Variants in ADHFE1 observed in about 807,000 individuals in gnomAD.
The protein encoded by ADHFE1 is alcohol dehydrogenase iron containing 1.
In ADHFE1, 37 loss-of-function variants were observed where a neutral mutation model predicts 54.8. That is an observed-to-expected ratio of 0.68 (90% CI 0.52 to 0.89). ADHFE1 has a LOEUF of 0.89. Among genes scored for constraint, ADHFE1 ranks in the 40% least tolerant of loss-of-function variants. ADHFE1 has a pLI of 0.00. For synonymous variants in ADHFE1, 203 were observed against 229.3 expected (o/e 0.89, Z 1.04); for missense variants, 601 against 591.2 (o/e 1.02, Z -0.17).
intron 13 of ADHFE1, among the ~76,000 whole-genome samples, chr8:66,466,236 A>ATTTTTTTTT (rs575459850): frequency 3.7e-4 from 44 of 119,598 alleles, no homozygotes; most frequent in Non-Finnish European, 6.7e-4. Context: ...ACCCAGCTGA[A>ATTTTTTTTT]TTTTTTTTTT....
intron 1 of ADHFE1, among the ~76,000 whole-genome samples, chr8:66,434,298 C>A (rs1295636257): frequency 6.6e-6 from 1 of 152,140 alleles, no homozygotes; most frequent in Non-Finnish European, 1.5e-5. Flanking sequence ...GTTGAGCATG[C>A]TTCTGGTACA....
intron 6 of ADHFE1, among the ~76,000 whole-genome samples, chr8:66,445,963 C>G (rs1014639251): frequency 3.9e-5 from 6 of 152,208 alleles, no homozygotes; most frequent in African/African-American, 2.4e-5. Flanking sequence ...TCATTTGTTC[C>G]ACAGGGGACC....
chr8:66,432,916 G>A, intron 1 of ADHFE1: 1 of 1,111,888 alleles, frequency 9.0e-7, no homozygotes, highest in Non-Finnish European at 1.1e-6. Context: ...CATATTTATT[G>A]GGCATATATT....
At position 66,439,441 on chromosome 8, in the gene ADHFE1, A is replaced by G; in HGVS notation, c.60-721A>G. 1.0e-6 allele frequency: 1 copy of G among 986,144 alleles called. No individual in the cohort carries two copies. The highest frequency in any genetic ancestry group is 1.2e-6 in the Non-Finnish European group (1 of 830,340). The allele number at this position is 986,144 out of a possible 1,614,324, so 61.1% of individuals were successfully genotyped here. A position where few individuals can be genotyped will look rare whatever the true frequency, so the allele number is the denominator to read the frequency against. On this transcript the variant is annotated intron_variant, in intron 1 of 13. Coordinates refer to ENST00000396623, the MANE Select transcript of ADHFE1 (RefSeq NM_144650.3). This position sits in a 1 kb window ranked among gnomAD's most constrained non-coding sequence, Gnocchi z 4.4. ...GACGACCAGGACAGGAAGAGGGACC[A>G]CAGCCAGGGGAGGGAGGGTTTCCAA...
intron 13 of ADHFE1, among the ~76,000 whole-genome samples, chr8:66,464,343 G>T (rs1468298079): frequency 6.6e-6 from 1 of 152,152 alleles, no homozygotes; most frequent in Non-Finnish European, 1.5e-5. Context: ...ACTCAGCTCA[G>T]GCTTGGCTTC....
rs1805643166 is a variant in ADHFE1 at position 66,439,636 on chromosome 8, C to T, written c.60-526C>T. ...CAACTGGGCAGAGAAAGATGGGGAC[C>T]AGGGAGGTCTTTGGGTCCAGGAAGT... On this transcript the variant is annotated intron_variant, in intron 1 of 13. Transcript: ENST00000396623. The surrounding 1 kb of genome is among the most constrained non-coding windows in gnomAD (Gnocchi z 4.4). 6 of 985,902 alleles carry T rather than the reference C, an allele frequency of 6.1e-6. No individual in the cohort carries two copies. Among genetic ancestry groups the T allele is most frequent in the African/African-American group, 3.5e-5 (2 of 57,314 alleles). 61.1% of individuals were successfully genotyped at this position (985,902 alleles called of 1,614,324 possible). A position where few individuals can be genotyped will look rare whatever the true frequency, so the allele number is the denominator to read the frequency against.
chr8:66,459,337 G>A (rs916311158), intron 12 of ADHFE1, among the ~76,000 whole-genome samples: 5 of 151,386 alleles, frequency 3.3e-5, no homozygotes, highest in African/African-American at 9.7e-5. Flanking sequence ...CACCCTGCCT[G>A]AGGGCAGAAC....
intron 1 of ADHFE1, among the ~76,000 whole-genome samples, chr8:66,438,650 C>G (rs929541533): frequency 1.3e-5 from 2 of 151,628 alleles, no homozygotes; most frequent in Admixed American, 1.3e-4. Context: ...AAATGTAGGT[C>G]GGGAGGAGAG....
chr8:66,460,081 C>T, intron 12 of ADHFE1: 1 of 511,476 alleles, frequency 2.0e-6, no homozygotes, highest in Non-Finnish European at 3.5e-6. Flanking sequence ...TTCTTCCTAC[C>T]ACACAAGGGG....
At chr8:66,442,978 C>A in intron 3 of ADHFE1, 134 bp downstream of exon 3, 1 of 792,194 alleles carries the variant, frequency 1.3e-6, no homozygotes, top group Non-Finnish European at 1.9e-6. Flanking sequence ...TTTGATCAGA[C>A]CATATTTAGC....
At position 66,439,056 on chromosome 8, in the gene ADHFE1, G is replaced by C. The variant is rs1223367067; in HGVS notation, c.60-1106G>C. Reference sequence around the variant, plus strand: ...AAGGGACAAGCCTGGCCTGGCCCGCGTCCTCTCCCCCGGCGCGCGCGTCGG... The same window carrying C: ...AAGGGACAAGCCTGGCCTGGCCCGCCTCCTCTCCCCCGGCGCGCGCGTCGG... On this transcript the variant is annotated intron_variant, in intron 1 of 13. Coordinates refer to ENST00000396623, the MANE Select transcript of ADHFE1 (RefSeq NM_144650.3). The surrounding 1 kb of genome is among the most constrained non-coding windows in gnomAD (Gnocchi z 4.4). Among the ~76,000 whole-genome samples the C allele has an allele frequency of 6.7e-6, 1 of 150,176 alleles. No homozygotes were observed. Among genetic ancestry groups the C allele is most frequent in the East Asian group, 1.9e-4 (1 of 5,148 alleles).
At chr8:66,462,375 G>A (rs1032315721) in intron 13 of ADHFE1, among the ~76,000 whole-genome samples, 9 of 152,118 alleles carry the variant, frequency 5.9e-5, no homozygotes, top group African/African-American at 9.7e-5. Context: ...TCAGCCTCCC[G>A]AGTAGCCAGC....
rs570156883 is a variant in ADHFE1, at chr8:66,445,599, A to G, written c.550+185A>G. On this transcript the variant is annotated intron_variant, in intron 6 of 13. Transcript: ENST00000396623. ...TTCTGATCTTCATTATTGTATAGATAAAGACAATTGGGGTCAGTGGAAGGA... is the reference window on the plus strand; with the variant it reads ...TTCTGATCTTCATTATTGTATAGATGAAGACAATTGGGGTCAGTGGAAGGA... 5.9e-5 allele frequency among the ~76,000 whole-genome samples: 9 copies of G among 152,348 alleles called. No individual in the cohort carries two copies. In the East Asian group the frequency reaches 7.7e-4, roughly 13 times the overall value.
intron 13 of ADHFE1, among the ~76,000 whole-genome samples, chr8:66,466,883 G>A (rs757988416): frequency 1.5e-4 from 23 of 152,300 alleles, no homozygotes; most frequent in Non-Finnish European, 2.8e-4. Context: ...TAAAAGGGAT[G>A]GTGGGACTAA....
chr8:66,440,144 C>A lies in ADHFE1; in HGVS notation c.60-18C>A. ...TTTCACCTTAGGTTTTTTTTGCTGTCGTTTTTATTTTCCCTAGGTGCCAGT... is the reference window on the plus strand; with the variant it reads ...TTTCACCTTAGGTTTTTTTTGCTGTAGTTTTTATTTTCCCTAGGTGCCAGT... On this transcript the variant is annotated intron_variant, in intron 1 of 13. Transcript: ENST00000396623. 6.2e-7 allele frequency: 1 copy of A among 1,607,220 alleles called. No individual in the cohort carries two copies. Among genetic ancestry groups the A allele is most frequent in the Non-Finnish European group, 8.5e-7 (1 of 1,177,944 alleles).
chr8:66,443,975 C>G (rs1367415594), intron 3 of ADHFE1, among the ~76,000 whole-genome samples: 1 of 151,914 alleles, frequency 6.6e-6, no homozygotes, highest in African/African-American at 2.4e-5. Context: ...GTTACCAGAG[C>G]CTACACAGTG....
chr8:66,455,890 G>C (rs1191420935), intron 10 of ADHFE1, among the ~76,000 whole-genome samples: 1 of 152,142 alleles, frequency 6.6e-6, no homozygotes. Context: ...CAGTGAGCCA[G>C]AATTGCTCCA....
rs1220762529 is a variant in ADHFE1, at chr8:66,439,354, T to G, written c.60-808T>G. On this transcript the variant is annotated intron_variant, in intron 1 of 13. Coordinates refer to ENST00000396623, the MANE Select transcript of ADHFE1 (RefSeq NM_144650.3). This position sits in a 1 kb window ranked among gnomAD's most constrained non-coding sequence, Gnocchi z 4.4. ...CATAAAACCGTCTTCCCAGCCTCGA[T>G]CAGAGAGCGAGCAGGAGAAAGAGAA... 2 of 985,308 alleles carry G rather than the reference T, an allele frequency of 2.0e-6. No individual in the cohort carries two copies. The highest frequency in any genetic ancestry group is 2.4e-6 in the Non-Finnish European group (2 of 830,168). 61.0% of individuals were successfully genotyped at this position (985,308 alleles called of 1,614,324 possible).
chr8:66,432,750 G>T, intron 1 of ADHFE1, 175 bp downstream of exon 1: 1 of 1,231,202 alleles, frequency 8.1e-7, no homozygotes, highest in Non-Finnish European at 1.0e-6. Context: ...GTCACAGAGT[G>T]CGCGATGCAG....
Sources: allele counts gnomAD v4.1 joint callset (sites outside exome capture counted in the v4.1 genomes callset), GRCh38; gene constraint gnomAD v4.1.1; non-coding constraint Gnocchi (gnomAD v3.1); transcripts MANE v1.5; gene names NCBI Gene and HGNC (gene_info 2026-07-23, HGNC 2026-07-21).